G2E3: variants seen among roughly 807,000 people sequenced by gnomAD.
The protein encoded by G2E3 is G2/M phase-specific E3 ubiquitin-protein ligase.
In G2E3, 35 loss-of-function variants were observed where a neutral mutation model predicts 92.8. The observed-to-expected ratio is 0.38, with a 90% confidence interval of 0.29 to 0.50. G2E3 has a LOEUF of 0.50. Ranked by LOEUF, G2E3 falls within the 20% of genes least tolerant of loss-of-function variation. The pLI is 0.94. For synonymous variants in G2E3, 242 were observed against 272.4 expected (o/e 0.89, Z 1.10); for missense variants, 554 against 823.8 (o/e 0.67, Z 4.01).
At chr14:30,581,849 C>T (rs1029784933) in intron 2 of G2E3, among the ~76,000 whole-genome samples, 1 of 152,150 alleles carries the variant, frequency 6.6e-6, no homozygotes, top group Non-Finnish European at 1.5e-5. Context: ...TGTTGTCTTG[C>T]TACAATGAAA....
chr14:30,563,535 C>G (rs1468142720), intron 1 of G2E3, among the ~76,000 whole-genome samples: 4 of 148,068 alleles, frequency 2.7e-5, no homozygotes, highest in African/African-American at 9.9e-5. Flanking sequence ...CTGGAAAGGT[C>G]TTATGTGTTG....
At chr14:30,612,494 T>C in intron 13 of G2E3, 115 bp downstream of exon 13, 1 of 660,864 alleles carries the variant, frequency 1.5e-6, no homozygotes, top group Non-Finnish European at 2.6e-6. Flanking sequence ...CAGAAAAAAA[T>C]TTAAATGCTA....
At position 30,591,581 on chromosome 14, in the gene G2E3, C is replaced by A. The variant is rs182629064; in HGVS notation, c.238-742C>A. ...TCCCCTAGCTTCACATGGCTGCTGG[C>A]AACCTTTGGAGTACCTTGGCTTGTG... On this transcript the variant is annotated intron_variant, in intron 4 of 14. Coordinates refer to ENST00000206595, the MANE Select transcript of G2E3 (RefSeq NM_017769.5). 1.2e-3 allele frequency among the ~76,000 whole-genome samples: 176 copies of A among 152,266 alleles called. 1 individual carries two copies. Among genetic ancestry groups the A allele is most frequent in the African/African-American group, 4.1e-3 (172 of 41,568 alleles).
At chr14:30,582,385 T>C (rs140838546) in intron 2 of G2E3, among the ~76,000 whole-genome samples, 1 of 152,118 alleles carries the variant, frequency 6.6e-6, no homozygotes, top group African/African-American at 2.4e-5. Flanking sequence ...TAAAAATGCA[T>C]GCCTGAAACC....
At chr14:30,572,132 G>A (rs1232009429) in intron 1 of G2E3, among the ~76,000 whole-genome samples, 1 of 152,042 alleles carries the variant, frequency 6.6e-6, no homozygotes. Flanking sequence ...TACCTATTGT[G>A]AATAGAATTG....
intron 1 of G2E3, among the ~76,000 whole-genome samples, chr14:30,571,061 CCT>C (rs563695046): frequency 6.6e-6 from 1 of 151,976 alleles, no homozygotes; most frequent in African/African-American, 2.4e-5. Flanking sequence ...GAAATTTTCT[CCT>C]CTGTGTTTTT....
rs1178439452 is a variant in G2E3 at position 30,559,179 on chromosome 14, T to A, written c.-98T>A. The A allele has an allele frequency of 6.6e-6, 1 of 152,300 alleles. No individual in the cohort carries two copies. The highest frequency in any genetic ancestry group is 1.5e-5 in the Non-Finnish European group (1 of 68,140). The allele number at this position is 152,300 out of a possible 1,614,324, so 9.4% of individuals were successfully genotyped here. A position where few individuals can be genotyped will look rare whatever the true frequency, so the allele number is the denominator to read the frequency against. Reference sequence around the variant, plus strand: ...GGACGAATTTGAATCCTGTGGGCCGTTGAATGTGGCTGCTCGCGGTCGGCG... The same window carrying A: ...GGACGAATTTGAATCCTGTGGGCCGATGAATGTGGCTGCTCGCGGTCGGCG... On this transcript the variant is annotated 5_prime_UTR_variant, in exon 1 of 15. In the 5' UTR this introduces an upstream ATG that the reference lacks. Transcript: ENST00000206595.
intron 11 of G2E3, among the ~76,000 whole-genome samples, chr14:30,607,519 A>G (rs1232173644): frequency 6.6e-6 from 1 of 152,190 alleles, no homozygotes; most frequent in African/African-American, 2.4e-5. Context: ...CTATGACAGT[A>G]TAACATCACT....
intron 1 of G2E3, among the ~76,000 whole-genome samples, chr14:30,569,197 C>T (rs1268639367): frequency 6.6e-6 from 1 of 152,106 alleles, no homozygotes; most frequent in Non-Finnish European, 1.5e-5. Context: ...CTTCTCTCTC[C>T]CCAGGGATAA....
chr14:30,571,902 T>C (rs1451310557), intron 1 of G2E3, among the ~76,000 whole-genome samples: 1 of 151,886 alleles, frequency 6.6e-6, no homozygotes, highest in Non-Finnish European at 1.5e-5. Context: ...TACAAGACTT[T>C]TGCATTTTTA....
At chr14:30,579,917 A>G (rs1484072669) in intron 1 of G2E3, among the ~76,000 whole-genome samples, 8 of 152,234 alleles carry the variant, frequency 5.3e-5, no homozygotes, top group Admixed American at 4.6e-4. Context: ...GGCTGTTCAT[A>G]TACCCTTGGT....
At chr14:30,574,867 A>G (rs1327456613) in intron 1 of G2E3, among the ~76,000 whole-genome samples, 1 of 152,122 alleles carries the variant, frequency 6.6e-6, no homozygotes, top group Non-Finnish European at 1.5e-5. Context: ...GCTATTGTGA[A>G]TAGTGCTGCA....
intron 4 of G2E3, among the ~76,000 whole-genome samples, chr14:30,591,851 A>G (rs1231313522): frequency 1.3e-5 from 2 of 152,112 alleles, no homozygotes; most frequent in Non-Finnish European, 1.5e-5. Flanking sequence ...ACCACTCTAA[A>G]TCCACTGTAG....
intron 1 of G2E3, among the ~76,000 whole-genome samples, chr14:30,564,302 T>C (rs1879300878): frequency 1.3e-5 from 2 of 152,192 alleles, no homozygotes; most frequent in South Asian, 4.1e-4. Flanking sequence ...AGGTGTACAT[T>C]TGACCTTTTT....
intron 1 of G2E3, among the ~76,000 whole-genome samples, chr14:30,580,546 G>T (rs1283397130): frequency 1.3e-5 from 2 of 152,150 alleles, no homozygotes; most frequent in African/African-American, 4.8e-5. Context: ...GAATGGCATG[G>T]CTATTGATGA....
At position 30,619,090 on chromosome 14, in the gene G2E3, T is replaced by C. The variant is rs1269332165; in HGVS notation, c.*2556T>C. 1 of 152,114 alleles carries C rather than the reference T, an allele frequency of 6.6e-6. No homozygotes were observed. Among genetic ancestry groups the C allele is most frequent in the African/African-American group, 2.4e-5 (1 of 41,456 alleles). 9.4% of individuals were successfully genotyped at this position (152,114 alleles called of 1,614,324 possible). ...AATATGGAAACTTTAACACCTTTTATACAATTCTCTACTATTCAAGATATT... is the reference window on the plus strand; with the variant it reads ...AATATGGAAACTTTAACACCTTTTACACAATTCTCTACTATTCAAGATATT... On this transcript the variant is annotated 3_prime_UTR_variant, in exon 15 of 15. Transcript: ENST00000206595.
chr14:30,570,951 T>G (rs1232620846), intron 1 of G2E3, among the ~76,000 whole-genome samples: 1 of 152,170 alleles, frequency 6.6e-6, no homozygotes, highest in East Asian at 1.9e-4. Context: ...AACAGTGTCT[T>G]TTGATGAGCA....
chr14:30,607,933 T>C lies in G2E3; in HGVS notation c.1364T>C (p.Ile455Thr). The C allele has an allele frequency of 6.2e-7, 1 of 1,610,018 alleles. No homozygotes were observed. The highest frequency in any genetic ancestry group is 8.5e-7 in the Non-Finnish European group (1 of 1,177,784). Reference sequence around the variant, plus strand: ...TATGAAGCTGGCAAAATGCTTGCCATTTCTTTAGTTCACGGTGGTCCTTCA... The same window carrying C: ...TATGAAGCTGGCAAAATGCTTGCCACTTCTTTAGTTCACGGTGGTCCTTCA... ...LYYEAGKMLA[I>T]SLVHGGPSPG... is the part of the protein sequence containing the mutation. Residue 455 changes from isoleucine (I) to threonine (T), a missense_variant, in exon 12 of 15, where the codon ATT (isoleucine) becomes ACT (threonine). Coordinates refer to ENST00000206595, the MANE Select transcript of G2E3 (RefSeq NM_017769.5).
chr14:30,610,365 C>T (rs1882030286), intron 12 of G2E3, among the ~76,000 whole-genome samples: 1 of 152,142 alleles, frequency 6.6e-6, no homozygotes, highest in Admixed American at 6.5e-5. Context: ...CCTGTAATCC[C>T]AACACTTTGG....
Sources: allele counts gnomAD v4.1 joint callset (sites outside exome capture counted in the v4.1 genomes callset), GRCh38; gene constraint gnomAD v4.1.1; transcripts MANE v1.5; gene names NCBI Gene and HGNC (gene_info 2026-07-23, HGNC 2026-07-21).